LNX1: variants seen among roughly 807,000 people sequenced by gnomAD.
The protein encoded by LNX1 is ligand of numb-protein X 1, also known as E3 ubiquitin-protein ligase LNX.
In LNX1, 54 loss-of-function variants were observed where a neutral mutation model predicts 68.4. The observed-to-expected ratio is 0.79, with a 90% CI of 0.63 to 0.99. The LOEUF (loss-of-function observed/expected upper bound fraction) is 0.99, where lower values mean the gene tolerates loss of function less well. Ranked by LOEUF, LNX1 falls within the 50% of genes least tolerant of loss-of-function variation. The pLI is 0.00. For synonymous variants in LNX1, 336 were observed against 350.0 expected, an observed-to-expected ratio of 0.96 and a Z score of 0.45; for missense variants, 906 against 926.4, an observed-to-expected ratio of 0.98 and a Z score of 0.29.
intron 9 of LNX1, among the ~76,000 whole-genome samples, chr4:53,464,957 A>T (rs933491587): frequency 1.3e-4 from 20 of 152,120 alleles, no homozygotes; most frequent in Non-Finnish European, 2.8e-4. Flanking sequence ...AACATTCTAT[A>T]AAATCTGTAA....
intron 2 of LNX1, among the ~76,000 whole-genome samples, chr4:53,571,603 C>T (rs937855985): frequency 8.0e-5 from 12 of 150,712 alleles, no homozygotes; most frequent in African/African-American, 2.9e-4. Flanking sequence ...GCTGACACCT[C>T]AATGTTAGTC....
At chr4:53,635,716 G>A (rs1734446376) in intron 1 of LNX1, among the ~76,000 whole-genome samples, 1 of 152,120 alleles carries the variant, frequency 6.6e-6, no homozygotes, top group Non-Finnish European at 1.5e-5. Context: ...ACAACCAAGA[G>A]ATTGAAAAGG....
At chr4:53,477,689 A>G (rs1166855095) in intron 8 of LNX1, among the ~76,000 whole-genome samples, 2 of 151,844 alleles carry the variant, frequency 1.3e-5, no homozygotes, top group Non-Finnish European at 2.9e-5. Flanking sequence ...CCCTATTTCC[A>G]TTTTCTATTT....
intron 1 of LNX1, among the ~76,000 whole-genome samples, chr4:53,628,082 T>C (rs1245913297): frequency 6.6e-6 from 1 of 152,138 alleles, no homozygotes; most frequent in Non-Finnish European, 1.5e-5. Context: ...GGAGTGAAAA[T>C]TAAATCCACT....
intron 9 of LNX1, among the ~76,000 whole-genome samples, chr4:53,474,097 T>C (rs1723409552): frequency 6.6e-6 from 1 of 152,340 alleles, no homozygotes; most frequent in African/African-American, 2.4e-5. Context: ...TAATTTGATA[T>C]CCAGGCAACC....
At chr4:53,627,255 G>A (rs1399879651) in intron 1 of LNX1, among the ~76,000 whole-genome samples, 1 of 152,192 alleles carries the variant, frequency 6.6e-6, no homozygotes, top group African/African-American at 2.4e-5. Flanking sequence ...TGACCTTGGA[G>A]GTTCCCTGTT....
intron 2 of LNX1, among the ~76,000 whole-genome samples, chr4:53,567,513 T>A (rs1323585969): frequency 6.6e-6 from 1 of 152,210 alleles, no homozygotes; most frequent in Non-Finnish European, 1.5e-5. Flanking sequence ...GAGGGAAATT[T>A]ATAGCACTAA....
chr4:53,512,143 T>C (rs545461817), intron 2 of LNX1, among the ~76,000 whole-genome samples: 2 of 152,334 alleles, frequency 1.3e-5, no homozygotes, highest in Non-Finnish European at 1.5e-5. Flanking sequence ...GGGACCATGG[T>C]GAGCAGTGCT....
intron 1 of LNX1, among the ~76,000 whole-genome samples, chr4:53,583,469 A>G (rs997495847): frequency 6.6e-6 from 1 of 152,098 alleles, no homozygotes; most frequent in Non-Finnish European, 1.5e-5. Context: ...TAAATCAATG[A>G]TCTCGAAGAG....
At chr4:53,513,410 G>C (rs1726515338) in intron 2 of LNX1, among the ~76,000 whole-genome samples, 1 of 152,044 alleles carries the variant, frequency 6.6e-6, no homozygotes, top group Non-Finnish European at 1.5e-5. Flanking sequence ...CTGAAGCCAG[G>C]CTGTGGGTTC....
Position 53,498,798 on chromosome 4 carries a change from C to G in LNX1, c.821G>C (p.Ser274Thr). 1 of 1,614,038 alleles carries G rather than the reference C, an allele frequency of 6.2e-7. No homozygotes were observed. Among genetic ancestry groups the G allele is most frequent in the Non-Finnish European group, 8.5e-7 (1 of 1,179,984 alleles). The part of the protein sequence containing the change: ...YHLIPDGEIT[S>T]IKINRVDPSE... ...GGGATCTACTCGATTGATCTTGATG[C>G]TGGTAATTTCACCATCTGGAATCAG... Residue 274 changes from serine to threonine, a missense_variant, in exon 5 of 11, where the codon AGC becomes ACC. Ser to Thr is a moderately conservative substitution (Grantham distance 58, BLOSUM62 1). Transcript: ENST00000263925.
At chr4:53,612,710 T>TC (rs1277918221) in intron 2 of LNX1, among the ~76,000 whole-genome samples, 1 of 151,474 alleles carries the variant, frequency 6.6e-6, no homozygotes, top group Non-Finnish European at 1.5e-5. Flanking sequence ...TTTGTATTTT[T>TC]TTTTTTTGTA....
intron 7 of LNX1, among the ~76,000 whole-genome samples, chr4:53,481,198 C>T (rs1353380219): frequency 6.6e-6 from 1 of 152,184 alleles, no homozygotes; most frequent in Non-Finnish European, 1.5e-5. Flanking sequence ...ATTTGAATGC[C>T]ATATAACATG....
intron 2 of LNX1, among the ~76,000 whole-genome samples, chr4:53,527,127 A>T (rs112423717): frequency 2.6e-3 from 391 of 151,910 alleles, no homozygotes; most frequent in Non-Finnish European, 4.3e-3. Flanking sequence ...GTTACAACTG[A>T]AATATACTAT....
intron 1 of LNX1, among the ~76,000 whole-genome samples, chr4:53,578,911 G>T (rs1731658237): frequency 6.6e-6 from 1 of 151,232 alleles, no homozygotes; most frequent in Non-Finnish European, 1.5e-5. Context: ...GAAAGAACCA[G>T]GTAGACTTAA....
At chr4:53,605,675 C>T (rs2616435) in intron 2 of LNX1, among the ~76,000 whole-genome samples, 81,126 of 151,986 alleles carry the variant, frequency 0.53, 21,775 homozygotes, top group East Asian at 0.65. Context: ...AGTGAAATCA[C>T]GCAGTATTTT....
intron 2 of LNX1, among the ~76,000 whole-genome samples, chr4:53,601,727 C>T (rs1482675685): frequency 6.6e-6 from 1 of 152,240 alleles, no homozygotes; most frequent in East Asian, 1.9e-4. Context: ...CATCTGAATT[C>T]GAAGCTAGGA....
At chr4:53,535,753 T>C (rs1490276662) in intron 2 of LNX1, among the ~76,000 whole-genome samples, 1 of 152,230 alleles carries the variant, frequency 6.6e-6, no homozygotes. Flanking sequence ...CCTGCCTTTA[T>C]GCCATCTCTC....
At chr4:53,472,685 C>CAACA (rs1325429784) in intron 9 of LNX1, among the ~76,000 whole-genome samples, 30 of 74,796 alleles carry the variant, frequency 4.0e-4, no homozygotes, top group African/African-American at 1.4e-3. Context: ...ACAACAACAA[C>CAACA]AAAAAAAAAA....
Sources: allele counts gnomAD v4.1 joint callset (sites outside exome capture counted in the v4.1 genomes callset), GRCh38; gene constraint gnomAD v4.1.1; transcripts MANE v1.5; gene names NCBI Gene and HGNC (gene_info 2026-07-23, HGNC 2026-07-21).